The following ARID1B variants were observed in gnomAD, a reference collection of about 807,000 sequenced individuals.
ARID1B encodes the protein AT-rich interactive domain-containing protein 1B.
Under a neutral mutation model 212.3 loss-of-function variants are expected in ARID1B, and 30 were observed. The ratio of observed to expected loss-of-function variants is 0.14; its 90% confidence interval spans 0.11 to 0.19. ARID1B has a LOEUF of 0.19. ARID1B is among the 10% of genes least tolerant of loss of function. The probability of loss-of-function intolerance (pLI) is 1.00; values close to 1 mark genes in which losing one functional copy is unlikely to be tolerated. For synonymous variants in ARID1B, 1,402 were observed against 1,301.7 expected (o/e 1.08, Z -1.66); for missense variants, 2,891 against 3,204.0 (o/e 0.90, Z 2.36).
At chr6:157,129,601 C>CCAA (rs1312697282) in intron 6 of ARID1B, among the ~76,000 whole-genome samples, 6 of 152,130 alleles carry the variant, frequency 3.9e-5, no homozygotes, top group Non-Finnish European at 8.8e-5. Flanking sequence ...GAACTTTGTC[C>CCAA]CTAAGGTATG....
chr6:157,058,484 T>TG (rs1222207694), intron 4 of ARID1B, among the ~76,000 whole-genome samples: 6 of 152,126 alleles, frequency 3.9e-5, no homozygotes, highest in Non-Finnish European at 1.5e-5. Flanking sequence ...AGACTGGTCT[T>TG]GAACTCCTGA....
chr6:157,151,606 G>A (rs1790202259), intron 8 of ARID1B: 2 of 152,122 alleles, frequency 1.3e-5, no homozygotes, highest in African/African-American at 4.8e-5. Flanking sequence ...CTACAAAACT[G>A]TGTAATATCA....
intron 7 of ARID1B, among the ~76,000 whole-genome samples, chr6:157,142,826 C>A (rs55836072): frequency 6.6e-6 from 1 of 151,688 alleles, no homozygotes; most frequent in African/African-American, 2.4e-5. Context: ...ATTGCATTCA[C>A]CTCCATTTTC....
At chr6:156,856,289 G>A (rs890072849) in intron 2 of ARID1B, among the ~76,000 whole-genome samples, 1 of 152,150 alleles carries the variant, frequency 6.6e-6, no homozygotes, top group Non-Finnish European at 1.5e-5. Context: ...GTGTGTATGT[G>A]GTGACCATAT....
chr6:156,818,935 A>G lies in ARID1B; in HGVS notation c.1792-10292A>G, dbSNP rs72996917. Among the ~76,000 whole-genome samples, 473 of 151,502 alleles carry G rather than the reference A, an allele frequency of 3.1e-3. 3 individuals carry two copies. Among genetic ancestry groups the G allele is most frequent in the Middle Eastern group, 0.017 (5 of 292 alleles). ...TATAATAATGATGATAATAAAATCTATCCTTTTAAAAAAAAAAAAACCTGT... is the reference window on the plus strand; with the variant it reads ...TATAATAATGATGATAATAAAATCTGTCCTTTTAAAAAAAAAAAAACCTGT... On this transcript the variant is annotated intron_variant, in intron 1 of 19. Coordinates refer to ENST00000636930, the MANE Select transcript of ARID1B (RefSeq NM_001374828.1).
At chr6:156,894,078 A>G (rs1157376090) in intron 2 of ARID1B, among the ~76,000 whole-genome samples, 3 of 152,136 alleles carry the variant, frequency 2.0e-5, no homozygotes, top group African/African-American at 7.2e-5. Flanking sequence ...GTTATGCTGT[A>G]TACATTCCGT....
chr6:157,045,198 T>G (rs1782153205), intron 4 of ARID1B, among the ~76,000 whole-genome samples: 1 of 152,164 alleles, frequency 6.6e-6, no homozygotes, highest in Non-Finnish European at 1.5e-5. Flanking sequence ...GTCATGAAAT[T>G]TGACATCCTT....
intron 5 of ARID1B, among the ~76,000 whole-genome samples, chr6:157,097,392 G>T (rs1300729429): frequency 6.6e-6 from 1 of 152,060 alleles, no homozygotes; most frequent in South Asian, 2.1e-4. Flanking sequence ...CTGACATCCA[G>T]ACGCAGCATA....
intron 2 of ARID1B, among the ~76,000 whole-genome samples, chr6:156,866,054 T>G (rs912297339): frequency 7.9e-5 from 12 of 152,184 alleles, no homozygotes; most frequent in African/African-American, 2.9e-4. Context: ...AGAACTACTG[T>G]GGGGACCTTG....
intron 8 of ARID1B, among the ~76,000 whole-genome samples, chr6:157,161,484 C>G (rs7758916): frequency 6.7e-6 from 1 of 150,190 alleles, no homozygotes; most frequent in African/African-American, 2.5e-5. Context: ...GTAGTTTTCC[C>G]TCTTAAAATA....
intron 4 of ARID1B, among the ~76,000 whole-genome samples, chr6:157,003,292 A>G (rs1367663375): frequency 6.6e-6 from 1 of 152,208 alleles, no homozygotes; most frequent in African/African-American, 2.4e-5. Flanking sequence ...GATTTTGTGT[A>G]TGGACAACAC....
At chr6:156,942,812 AGT>A (rs1239863338) in intron 4 of ARID1B, 1 of 152,280 alleles carries the variant, frequency 6.6e-6, no homozygotes, top group African/African-American at 2.4e-5. Context: ...GGCAATGGCC[AGT>A]GTGAGGCGTT....
intron 6 of ARID1B, 71 bp downstream of exon 6, chr6:157,110,632 C>T: frequency 7.4e-7 from 1 of 1,349,804 alleles, no homozygotes; most frequent in Non-Finnish European, 1.1e-6. Flanking sequence ...AGTTTGCTTA[C>T]CTATGCACCT....
In ARID1B at chr6:157,206,539, G is replaced by A; in HGVS notation, c.5767G>A (p.Val1923Ile). The change falls in exon 20 of 20, where the codon GTT (valine) becomes ATT (isoleucine). Residue 1923 changes from valine (V) to isoleucine (I), a missense_variant. Val to Ile is a conservative substitution (Grantham distance 29). This residue lies in a region of ARID1B where 332 missense variants were observed against 369.2 expected (regional missense o/e 0.90). Transcript: ENST00000636930. This position sits in a 1 kb window ranked among gnomAD's most constrained non-coding sequence, Gnocchi z 6.8. ...KIVKKNNLFV[V>I]DRSDKLGRVQ... The stretch of plus-strand genomic sequence containing the variant: ...AGTCAAAAAGAACAACCTGTTTGTT[G>A]TTGACCGATCTGACAAGTTGGGGCG... 1.2e-6 allele frequency: 2 copies of A among 1,614,176 alleles called. No homozygotes were observed. Among genetic ancestry groups the A allele is most frequent in the Non-Finnish European group, 1.7e-6 (2 of 1,180,034 alleles).
In ARID1B at chr6:157,190,337, C is replaced by A; in HGVS notation, c.4231+127C>A. 2 of 1,136,106 alleles carry A rather than the reference C, an allele frequency of 1.8e-6. No homozygotes were observed. Among genetic ancestry groups the A allele is most frequent in the Non-Finnish European group, 2.4e-6 (2 of 826,828 alleles). The allele number at this position is 1,136,106 out of a possible 1,614,324, so 70.4% of individuals were successfully genotyped here. On this transcript the variant is annotated intron_variant, in intron 15 of 19. Coordinates refer to ENST00000636930, the MANE Select transcript of ARID1B (RefSeq NM_001374828.1). The surrounding 1 kb of genome is among the most constrained non-coding windows in gnomAD (Gnocchi z 4.6). ...TGCTGCATCGGTGTGGGTCCCAGGT[C>A]CCCATCCTACTCCACTTGTGGCCTT...
chr6:157,015,730 C>G (rs1779884383), intron 4 of ARID1B, among the ~76,000 whole-genome samples: 1 of 152,146 alleles, frequency 6.6e-6, no homozygotes, highest in African/African-American at 2.4e-5. Context: ...ACCGTATAAC[C>G]CTGCGTTTGC....
intron 3 of ARID1B, among the ~76,000 whole-genome samples, chr6:156,911,338 G>GTTTTTT (rs57374747): frequency 9.5e-5 from 10 of 105,342 alleles, no homozygotes; most frequent in East Asian, 3.1e-4. Flanking sequence ...TAAATAATTA[G>GTTTTTT]TTTTTTTTTT....
chr6:157,131,356 T>C (rs1020131840), intron 6 of ARID1B, among the ~76,000 whole-genome samples: 3 of 151,938 alleles, frequency 2.0e-5, no homozygotes, highest in African/African-American at 7.3e-5. Flanking sequence ...TTATGAAAAG[T>C]GCTATGAAGG....
At chr6:156,960,921 G>T (rs1405327796) in intron 4 of ARID1B, among the ~76,000 whole-genome samples, 1 of 152,122 alleles carries the variant, frequency 6.6e-6, no homozygotes, top group South Asian at 2.1e-4. Flanking sequence ...CTAGTTAAGG[G>T]TGCCATTTAA....
Sources: gnomAD v4.1 joint callset for allele counts (sites outside exome capture counted in the v4.1 genomes callset) on GRCh38, gnomAD v4.1.1 for gene constraint, gnomAD v4.1.1 regional missense constraint, Gnocchi (gnomAD v3.1) non-coding constraint, MANE v1.5 for transcripts, NCBI Gene and HGNC (gene_info 2026-07-23, HGNC 2026-07-21) for gene names.